Variants in TDRP observed in about 807,000 individuals in gnomAD.
TDRP encodes the protein testis development related protein, also known as testis development-related protein.
A neutral mutation model predicts 10.5 loss-of-function variants in TDRP; 12 were observed. The observed-to-expected ratio is 1.15, with a 90% CI of 0.73 to 1.86. The LOEUF (loss-of-function observed/expected upper bound fraction) is 1.86. Ranked by LOEUF, TDRP falls within the 40% of genes most tolerant of loss-of-function variation. The pLI, the probability that TDRP is intolerant of heterozygous loss-of-function variation, is 0.00. For synonymous variants in TDRP, 139 were observed against 95.4 expected (o/e 1.46, Z -2.67); for missense variants, 353 against 229.2 (o/e 1.54, Z -3.49).
chr8:513,342 GGAAA>G (rs748449388), intron 1 of TDRP, among the ~76,000 whole-genome samples: 122 of 152,144 alleles, frequency 8.0e-4, no homozygotes, highest in Non-Finnish European at 1.5e-3. Flanking sequence ...ATTTATCTCA[GGAAA>G]GAAAGGTTAG....
chr8:541,763 G>A (rs2084413), intron 1 of TDRP, among the ~76,000 whole-genome samples: 3,738 of 152,280 alleles, frequency 0.025, 135 homozygotes, highest in African/African-American at 0.083. Context: ...CCAAATGCTG[G>A]CAAGGAGGTG....
intron 1 of TDRP, among the ~76,000 whole-genome samples, chr8:519,994 C>T (rs372920472): frequency 6.6e-6 from 1 of 152,074 alleles, no homozygotes; most frequent in East Asian, 1.9e-4. Flanking sequence ...GCGTGTAAGG[C>T]ACAGAATGGG....
chr8:493,980 A>T (rs1325922551), intron 2 of TDRP, among the ~76,000 whole-genome samples: 5 of 142,436 alleles, frequency 3.5e-5, no homozygotes, highest in African/African-American at 7.9e-5. Flanking sequence ...GAACACCACA[A>T]CTCATTTCTG....
At position 522,041 on chromosome 8, in the gene TDRP, G is replaced by A. The variant is rs145162375; in HGVS notation, c.108+22609C>T. Among the ~76,000 whole-genome samples, 1,092 of 152,148 alleles carry A rather than the reference G, an allele frequency of 7.2e-3. 16 individuals are homozygous for A. The highest frequency in any genetic ancestry group is 0.024 in the African/African-American group (1,006 of 41,500). ...TCATTATTAGTGTAAAAATGTGCCTGACTTTTCATGTTGATATTGTATCCT... is the reference window on the plus strand; with the variant it reads ...TCATTATTAGTGTAAAAATGTGCCTAACTTTTCATGTTGATATTGTATCCT... On this transcript the variant is annotated intron_variant, in intron 1 of 2. Transcript: ENST00000324079.
chr8:526,586 G>A (rs1281522518), intron 1 of TDRP, among the ~76,000 whole-genome samples: 1 of 152,122 alleles, frequency 6.6e-6, no homozygotes, highest in Non-Finnish European at 1.5e-5. Flanking sequence ...TTTTTAGTAT[G>A]TTGTAGAATT....
chr8:511,745 TC>T lies in TDRP; in HGVS notation c.109-17149del, dbSNP rs1230084671. 3.3e-5 allele frequency among the ~76,000 whole-genome samples: 5 copies of T among 152,350 alleles called. No homozygotes were observed. The South Asian group carries it at 1.0e-3, about 32-fold the overall frequency. ...CAGGATAAAACTATTCAAAGTCCTT[TC>T]TTTGACCATAATGGAATGAAATTAG... is the stretch of plus-strand genomic sequence containing the variant. On this transcript the variant is annotated intron_variant, in intron 1 of 2. Transcript: ENST00000324079.
At chr8:503,785 G>A (rs1054092791) in intron 1 of TDRP, among the ~76,000 whole-genome samples, 5 of 141,280 alleles carry the variant, frequency 3.5e-5, no homozygotes, top group African/African-American at 1.0e-4. Flanking sequence ...GCCACACACT[G>A]GAACCCATGC....
intron 1 of TDRP, among the ~76,000 whole-genome samples, chr8:495,844 C>G (rs528172209): frequency 6.6e-6 from 1 of 152,294 alleles, no homozygotes; most frequent in African/African-American, 2.4e-5. Context: ...GTAACACAGC[C>G]TCAGGAAGGG....
chr8:537,446 A>G (rs1428945616), intron 1 of TDRP, among the ~76,000 whole-genome samples: 1 of 152,206 alleles, frequency 6.6e-6, no homozygotes, highest in Non-Finnish European at 1.5e-5. Context: ...TATTTCTATT[A>G]TTTAATAACA....
intron 2 of TDRP, among the ~76,000 whole-genome samples, chr8:494,049 C>T (rs982935557): frequency 6.9e-6 from 1 of 145,600 alleles, no homozygotes; most frequent in African/African-American, 2.5e-5. Context: ...CCGTCTCCCA[C>T]AGGTTCAAGC....
chr8:540,120 C>A (rs113549947), intron 1 of TDRP, among the ~76,000 whole-genome samples: 1 of 152,232 alleles, frequency 6.6e-6, no homozygotes, highest in Non-Finnish European at 1.5e-5. Context: ...TTGAACAGAT[C>A]TCTGCACTTC....
chr8:528,764 G>A (rs1419921093), intron 1 of TDRP, among the ~76,000 whole-genome samples: 1 of 151,982 alleles, frequency 6.6e-6, no homozygotes, highest in Non-Finnish European at 1.5e-5. Context: ...GTTCTCTAAA[G>A]GAATAGAATA....
chr8:499,566 C>T (rs946898150), intron 1 of TDRP, among the ~76,000 whole-genome samples: 4 of 152,194 alleles, frequency 2.6e-5, no homozygotes, highest in Non-Finnish European at 5.9e-5. Flanking sequence ...CTCTCTACTG[C>T]CAGGTGAGCA....
chr8:494,553 C>A lies in TDRP; in HGVS notation c.153G>T (p.Leu51=). Residue 51 remains leucine (L), a synonymous_variant, in exon 2 of 3, where the codon CTG becomes CTT. Transcript: ENST00000324079. ...SFRGWKEVTS[L]FNKDDEQHLL... ...GATGCTGCTCATCATCTTTGTTAAA[C>A]AGTGAAGTCACTTCTTTCCAACCTC... 1 of 1,613,910 alleles carries A rather than the reference C, an allele frequency of 6.2e-7. No individual in the cohort carries two copies. The highest frequency in any genetic ancestry group is 8.5e-7 in the Non-Finnish European group (1 of 1,179,868).
At chr8:532,384 T>A (rs1802227734) in intron 1 of TDRP, among the ~76,000 whole-genome samples, 2 of 152,216 alleles carry the variant, frequency 1.3e-5, no homozygotes, top group Admixed American at 1.3e-4. Context: ...CCAGGCTCCC[T>A]AGCAAGATGA....
At chr8:527,578 A>T (rs1211725966) in intron 1 of TDRP, among the ~76,000 whole-genome samples, 1 of 152,028 alleles carries the variant, frequency 6.6e-6, no homozygotes, top group African/African-American at 2.4e-5. Context: ...ATGAAAGAGA[A>T]TAGAGAACCC....
chr8:544,629 C>G, intron 1 of TDRP, 21 bp downstream of exon 1: 2 of 1,233,218 alleles, frequency 1.6e-6, no homozygotes, highest in Non-Finnish European at 2.0e-6. Context: ...ACTAGCACTC[C>G]CCACCTGCGC....
intron 1 of TDRP, among the ~76,000 whole-genome samples, chr8:497,669 C>G (rs1472230887): frequency 6.6e-6 from 1 of 152,102 alleles, no homozygotes; most frequent in African/African-American, 2.4e-5. Flanking sequence ...TAAAGAAGAG[C>G]CAATGTTAAT....
intron 1 of TDRP, among the ~76,000 whole-genome samples, chr8:497,956 C>A (rs778785988): frequency 5.3e-5 from 8 of 152,154 alleles, no homozygotes; most frequent in Non-Finnish European, 1.2e-4. Context: ...CCTGAAAGTA[C>A]ACAGAAGGCA....
Sources: gnomAD v4.1 joint callset for allele counts (sites outside exome capture counted in the v4.1 genomes callset) on GRCh38, gnomAD v4.1.1 for gene constraint, MANE v1.5 for transcripts, NCBI Gene and HGNC (gene_info 2026-07-23, HGNC 2026-07-21) for gene names.